Variants in SYT1 observed in about 807,000 individuals in gnomAD.
SYT1 encodes synaptotagmin 1.
In SYT1, 8 loss-of-function variants were observed where a neutral mutation model predicts 44.8. The observed-to-expected ratio is 0.18, with a 90% CI of 0.10 to 0.32. SYT1 has a LOEUF of 0.32. Among genes scored for constraint, SYT1 ranks in the 10% least tolerant of loss-of-function variants. The pLI is 1.00. For missense variants in SYT1, 286 were observed against 509.3 expected (o/e 0.56, Z 4.22); for synonymous variants, 154 against 188.8 (o/e 0.82, Z 1.51).
intron 3 of SYT1, among the ~76,000 whole-genome samples, chr12:79,169,266 A>G (rs1757979491): frequency 6.6e-6 from 1 of 152,042 alleles, no homozygotes; most frequent in African/African-American, 2.4e-5. Flanking sequence ...GCAGTCAACT[A>G]TCCACACCAA....
intron 1 of SYT1, among the ~76,000 whole-genome samples, chr12:78,931,390 AAGGAAGGG>A (rs1565723963): frequency 2.5e-5 from 3 of 117,706 alleles, no homozygotes; most frequent in African/African-American, 6.8e-5. Context: ...GGAAGGAAGG[AAGGAAGGG>A]AGGAGAGAGG....
chr12:79,280,377 G>A (rs1237449035), intron 4 of SYT1, among the ~76,000 whole-genome samples: 1 of 151,994 alleles, frequency 6.6e-6, no homozygotes, highest in East Asian at 1.9e-4. Context: ...CTTCAACAAA[G>A]CCGATGAGAA....
intron 3 of SYT1, among the ~76,000 whole-genome samples, chr12:79,163,132 C>T (rs1871048630): frequency 1.3e-5 from 2 of 152,066 alleles, no homozygotes; most frequent in Admixed American, 6.6e-5. Context: ...CACCCAGAGA[C>T]GTCACACTGA....
At chr12:79,293,835 A>G (rs1321076335) in intron 6 of SYT1, among the ~76,000 whole-genome samples, 1 of 152,210 alleles carries the variant, frequency 6.6e-6, no homozygotes, top group Non-Finnish European at 1.5e-5. Context: ...CTAGAAAACT[A>G]CATTATTGGT....
chr12:79,197,813 A>G (rs1873552001), intron 3 of SYT1, among the ~76,000 whole-genome samples: 1 of 152,206 alleles, frequency 6.6e-6, no homozygotes, highest in East Asian at 1.9e-4. Context: ...GAAATGTTCT[A>G]GAGTGACTCA....
intron 8 of SYT1, among the ~76,000 whole-genome samples, chr12:79,326,426 G>T (rs1881609008): frequency 6.6e-6 from 1 of 152,244 alleles, no homozygotes; most frequent in Non-Finnish European, 1.5e-5. Context: ...ATGAGATGCG[G>T]TCATTAGAGC....
chr12:79,345,066 T>A (rs1882545454), intron 8 of SYT1, among the ~76,000 whole-genome samples: 1 of 152,102 alleles, frequency 6.6e-6, no homozygotes, highest in South Asian at 2.1e-4. Flanking sequence ...GTGGACAGGG[T>A]TCATCCTGAC....
intron 4 of SYT1, among the ~76,000 whole-genome samples, chr12:79,249,176 C>CT (rs1356551974): frequency 7.3e-6 from 1 of 136,808 alleles, no homozygotes; most frequent in Non-Finnish European, 1.5e-5. Context: ...GCAATCTCGG[C>CT]TCACTGCAAG....
At chr12:79,247,172 G>A (rs1389939970) in intron 4 of SYT1, among the ~76,000 whole-genome samples, 1 of 152,156 alleles carries the variant, frequency 6.6e-6, no homozygotes, top group Non-Finnish European at 1.5e-5. Flanking sequence ...TACAGTGTAT[G>A]GTTTTTATAG....
chr12:79,147,937 C>T (rs1227545469), intron 3 of SYT1, among the ~76,000 whole-genome samples: 1 of 152,074 alleles, frequency 6.6e-6, no homozygotes, highest in Non-Finnish European at 1.5e-5. Flanking sequence ...TTTGATGCCA[C>T]ATCTGGAGAA....
chr12:79,200,230 T>C (rs1054566116), intron 3 of SYT1, among the ~76,000 whole-genome samples: 5 of 152,256 alleles, frequency 3.3e-5, no homozygotes, highest in Middle Eastern at 3.4e-3. Flanking sequence ...ATACCAGATC[T>C]GAGAAAACTG....
chr12:79,342,756 C>A (rs1882434901), intron 8 of SYT1, among the ~76,000 whole-genome samples: 1 of 152,158 alleles, frequency 6.6e-6, no homozygotes, highest in South Asian at 2.1e-4. Flanking sequence ...GCTTAAGCAA[C>A]CCCTTGGATG....
At chr12:79,005,885 C>A (rs1871043986) in intron 2 of SYT1, among the ~76,000 whole-genome samples, 1 of 152,088 alleles carries the variant, frequency 6.6e-6, no homozygotes, top group African/African-American at 2.4e-5. Flanking sequence ...TCCTTCCCAC[C>A]ATGGAAACAC....
intron 3 of SYT1, among the ~76,000 whole-genome samples, chr12:79,109,322 C>CAGTTAATCAT (rs1229193482): frequency 1.3e-5 from 2 of 152,158 alleles, no homozygotes; most frequent in Non-Finnish European, 2.9e-5. Context: ...GGCATTAGCC[C>CAGTTAATCAT]AGTTAATCAT....
At chr12:79,038,674 C>CT (rs1355488605) in intron 2 of SYT1, among the ~76,000 whole-genome samples, 1 of 151,836 alleles carries the variant, frequency 6.6e-6, no homozygotes, top group Non-Finnish European at 1.5e-5. Context: ...ACAGAAAACT[C>CT]TGAGTTTATT....
At chr12:79,028,900 T>C (rs1872680557) in intron 2 of SYT1, among the ~76,000 whole-genome samples, 1 of 151,300 alleles carries the variant, frequency 6.6e-6, no homozygotes. Flanking sequence ...AGAAAACGTA[T>C]GTAGAGGTTC....
intron 3 of SYT1, among the ~76,000 whole-genome samples, chr12:79,184,628 A>C (rs1431556820): frequency 6.6e-6 from 1 of 152,058 alleles, no homozygotes; most frequent in Non-Finnish European, 1.5e-5. Flanking sequence ...TCTATAGCAC[A>C]ACTGAAAATC....
chr12:79,026,669 A>T (rs1415282612), intron 2 of SYT1, among the ~76,000 whole-genome samples: 243 of 26,362 alleles, frequency 9.2e-3, no homozygotes, highest in African/African-American at 0.028. Flanking sequence ...TATATATTTT[A>T]TATATATATA....
At chr12:79,428,382 G>T (rs558588038) in intron 9 of SYT1, among the ~76,000 whole-genome samples, 1 of 152,244 alleles carries the variant, frequency 6.6e-6, no homozygotes, top group East Asian at 1.9e-4. Context: ...TCTAGATGAT[G>T]CTCTGGATAC....
Sources: allele counts gnomAD v4.1 joint callset (sites outside exome capture counted in the v4.1 genomes callset), GRCh38; gene constraint gnomAD v4.1.1; transcripts MANE v1.5; gene names NCBI Gene and HGNC (gene_info 2026-07-23, HGNC 2026-07-21).